CUX1: variants seen among roughly 807,000 people sequenced by gnomAD.
CUX1 encodes the protein protein CASP.
CUX1 carries 31 observed loss-of-function variants against 158.8 expected under a neutral mutation model. That is an observed-to-expected ratio of 0.20 (90% CI 0.15 to 0.26). The LOEUF (loss-of-function observed/expected upper bound fraction) is 0.26. Among genes scored for constraint, CUX1 ranks in the 10% least tolerant of loss-of-function variants. The pLI, the probability that CUX1 is intolerant of heterozygous loss-of-function variation, is 1.00. For synonymous variants in CUX1, 879 were observed against 862.1 expected (o/e 1.02, Z -0.34); for missense variants, 1,589 against 2,014.6 (o/e 0.79, Z 4.04).
chr7:102,266,462 G>T (rs184390501), intron 14 of CUX1, among the ~76,000 whole-genome samples: 1 of 151,994 alleles, frequency 6.6e-6, no homozygotes, highest in Non-Finnish European at 1.5e-5. Flanking sequence ...GACCTGTGAA[G>T]GTTGAAATGC....
chr7:102,039,526 A>G (rs1396071700), intron 3 of CUX1, among the ~76,000 whole-genome samples: 1 of 152,058 alleles, frequency 6.6e-6, no homozygotes, highest in Non-Finnish European at 1.5e-5. Context: ...GCGGTATCAT[A>G]CACCTGTAGT....
intron 1 of CUX1, among the ~76,000 whole-genome samples, chr7:101,886,243 G>A (rs1365901068): frequency 6.6e-6 from 1 of 152,080 alleles, no homozygotes; most frequent in African/African-American, 2.4e-5. Flanking sequence ...GCCAAGGCTG[G>A]AGTGCAGTGG....
intron 3 of CUX1, among the ~76,000 whole-genome samples, chr7:102,036,070 C>T (rs966292409): frequency 6.6e-6 from 1 of 152,058 alleles, no homozygotes; most frequent in Non-Finnish European, 1.5e-5. Flanking sequence ...ATCAGGTTCA[C>T]ATATTACATT....
chr7:102,083,248 A>T (rs144867000), intron 4 of CUX1, among the ~76,000 whole-genome samples: 22 of 147,130 alleles, frequency 1.5e-4, no homozygotes, highest in African/African-American at 4.6e-4. Flanking sequence ...ATGATGCAGA[A>T]TATTTTTTCA....
chr7:101,860,896 T>A (rs1208820835), intron 1 of CUX1, among the ~76,000 whole-genome samples: 2 of 152,158 alleles, frequency 1.3e-5, no homozygotes, highest in South Asian at 4.1e-4. Flanking sequence ...AGCCTTGACC[T>A]GGTAGTCTCA....
chr7:102,027,199 A>G (rs1820143556), intron 2 of CUX1, among the ~76,000 whole-genome samples: 1 of 152,114 alleles, frequency 6.6e-6, no homozygotes, highest in African/African-American at 2.4e-5. Context: ...ACCTTGGCCA[A>G]CATGGCAAAA....
chr7:102,236,292 GC>G (rs1297862371), intron 22 of CUX1, among the ~76,000 whole-genome samples: 1 of 152,238 alleles, frequency 6.6e-6, no homozygotes, highest in Non-Finnish European at 1.5e-5. Flanking sequence ...CCCATTCAGG[GC>G]CCCTCTAGCG....
chr7:101,847,863 T>C (rs1584747607), intron 1 of CUX1, among the ~76,000 whole-genome samples: 1 of 148,266 alleles, frequency 6.7e-6, no homozygotes, highest in African/African-American at 2.5e-5. Flanking sequence ...AGATCAGGAG[T>C]TCAAGACCAG....
chr7:101,980,149 T>A (rs1310195111), intron 2 of CUX1, among the ~76,000 whole-genome samples: 1 of 152,180 alleles, frequency 6.6e-6, no homozygotes, highest in South Asian at 2.1e-4. Context: ...GAGGTTGTGA[T>A]GAATATTATT....
At chr7:102,194,541 AG>A (rs1794597609) in intron 13 of CUX1, among the ~76,000 whole-genome samples, 1 of 151,798 alleles carries the variant, frequency 6.6e-6, no homozygotes, top group Non-Finnish European at 1.5e-5. Context: ...TCAAGGCTAT[AG>A]TGAGCTATGA....
rs71123016 is a variant in CUX1 at position 102,222,811 on chromosome 7, C to CTTTTTTTTTTTT, written c.3131-4541_3131-4530dup. Among the ~76,000 whole-genome samples, 151 of 25,526 alleles carry CTTTTTTTTTTTT rather than the reference C, an allele frequency of 5.9e-3. 52 individuals are homozygous for CTTTTTTTTTTTT. The highest frequency in any genetic ancestry group is 0.05 in the Middle Eastern group (1 of 20). The allele number at this position is 25,526 out of a possible 152,430, so 16.7% of individuals were successfully genotyped here. A position where few individuals can be genotyped will look rare whatever the true frequency, so the allele number is the denominator to read the frequency against. On this transcript the variant is annotated intron_variant, in intron 20 of 23. Coordinates refer to ENST00000292535, the MANE Select transcript of CUX1 (RefSeq NM_181552.4). ...GGCTGTGTGTCTCGGGGCACCGTAT[C>CTTTTTTTTTTTT]TTTTTTTTTTTTTTTTTTTTTTTTT... is the stretch of plus-strand genomic sequence containing the variant.
chr7:101,946,615 G>A (rs889114508), intron 2 of CUX1, among the ~76,000 whole-genome samples: 3 of 151,836 alleles, frequency 2.0e-5, no homozygotes, highest in African/African-American at 7.3e-5. Context: ...GCTTGCAGCT[G>A]GCAAATGTTG....
chr7:102,031,788 G>A (rs535827910), intron 3 of CUX1, among the ~76,000 whole-genome samples: 1 of 152,148 alleles, frequency 6.6e-6, no homozygotes, highest in African/African-American at 2.4e-5. Context: ...GTGTGTGGCA[G>A]GAGCAGCTAA....
intron 13 of CUX1, 47 bp downstream of exon 13, chr7:102,193,937 T>A: frequency 6.4e-7 from 1 of 1,571,220 alleles, no homozygotes; most frequent in Non-Finnish European, 8.8e-7. Flanking sequence ...GCCCCGCTGC[T>A]GGTTACCACT....
intron 1 of CUX1, among the ~76,000 whole-genome samples, chr7:101,894,618 G>T (rs570106658): frequency 6.6e-6 from 1 of 152,166 alleles, no homozygotes; most frequent in African/African-American, 2.4e-5. Context: ...GGCCTATGGC[G>T]CAGGTTTTAA....
chr7:102,168,928 C>CTTTTTTTTTTTTTTTTTTTTTTTTTTT (rs1343334279), intron 9 of CUX1, among the ~76,000 whole-genome samples: 1 of 34,094 alleles, frequency 2.9e-5, no homozygotes, highest in African/African-American at 2.2e-4. Flanking sequence ...CTTTTCTTTT[C>CTTTTTTTTTTTTTTTTTTTTTTTTTTT]TTTTATTTTC....
chr7:101,887,953 G>T (rs190296438), intron 1 of CUX1, among the ~76,000 whole-genome samples: 2 of 151,104 alleles, frequency 1.3e-5, no homozygotes, highest in East Asian at 2.0e-4. Flanking sequence ...CCAGGAGAAC[G>T]CATTCAATGT....
At chr7:102,163,573 A>G (rs1323183872) in intron 9 of CUX1, among the ~76,000 whole-genome samples, 2 of 152,192 alleles carry the variant, frequency 1.3e-5, no homozygotes, top group Non-Finnish European at 2.9e-5. Context: ...TTTGAGTTCT[A>G]GAAGGATCTC....
intron 1 of CUX1, among the ~76,000 whole-genome samples, chr7:101,893,461 T>C (rs1801119655): frequency 6.6e-6 from 1 of 152,178 alleles, no homozygotes. Context: ...CAGGCTGTGG[T>C]GTGAAGCTGT....
Sources: allele counts gnomAD v4.1 joint callset (sites outside exome capture counted in the v4.1 genomes callset), GRCh38; gene constraint gnomAD v4.1.1; transcripts MANE v1.5; gene names NCBI Gene and HGNC (gene_info 2026-07-23, HGNC 2026-07-21).